Variants in HYCC1 observed in about 807,000 individuals in gnomAD.
The protein encoded by HYCC1 is hyccin.
the HYCC1 span, among the ~76,000 whole-genome samples, chr7:23,013,064 T>C: frequency 6.6e-6 from 1 of 152,158 alleles, no homozygotes; most frequent in Non-Finnish European, 1.5e-5. Context: ...ACTAAACCAC[T>C]TAGGCAAAAT....
At chr7:23,003,200 T>C in the HYCC1 span, among the ~76,000 whole-genome samples, 1 of 152,134 alleles carries the variant, frequency 6.6e-6, no homozygotes, top group African/African-American at 2.4e-5. Flanking sequence ...GCAACCAGCC[T>C]GGCTCTTTTT....
chr7:22,900,389 T>G, the HYCC1 span, among the ~76,000 whole-genome samples: 1 of 152,060 alleles, frequency 6.6e-6, no homozygotes, highest in African/African-American at 2.4e-5. Flanking sequence ...TGTAGATGGA[T>G]TCATTCTCCA....
chr7:22,955,001 G>A, the HYCC1 span, among the ~76,000 whole-genome samples: 58 of 151,128 alleles, frequency 3.8e-4, no homozygotes, highest in Non-Finnish European at 5.5e-4. Context: ...TATTAACTTG[G>A]GATTGAAACA....
the HYCC1 span, among the ~76,000 whole-genome samples, chr7:23,006,093 G>A: frequency 6.6e-6 from 1 of 152,154 alleles, no homozygotes; most frequent in Non-Finnish European, 1.5e-5. Flanking sequence ...TGTCTGGCAG[G>A]TTTAAGAGGG....
the HYCC1 span, among the ~76,000 whole-genome samples, chr7:22,961,837 A>ATG: frequency 3.3e-5 from 5 of 151,086 alleles, no homozygotes; most frequent in African/African-American, 9.7e-5. Flanking sequence ...GTGTGTGTGC[A>ATG]TGTGTGTGTG....
chr7:22,979,014 G>A, the HYCC1 span, among the ~76,000 whole-genome samples: 957 of 152,214 alleles, frequency 6.3e-3, 14 homozygotes, highest in African/African-American at 0.022. Context: ...TACAATGATT[G>A]CACACAAGTC....
the HYCC1 span, among the ~76,000 whole-genome samples, chr7:22,908,545 A>C: frequency 2.5e-4 from 38 of 152,252 alleles, no homozygotes; most frequent in African/African-American, 9.1e-4. Flanking sequence ...TTTGATCTAC[A>C]TCTTCTGTTA....
chr7:22,971,716 G>T, the HYCC1 span, among the ~76,000 whole-genome samples: 3 of 151,582 alleles, frequency 2.0e-5, no homozygotes, highest in East Asian at 5.8e-4. Context: ...GAGAGAAGTG[G>T]AGAGGAAAAG....
chr7:22,968,576 T>C, the HYCC1 span, among the ~76,000 whole-genome samples: 1,079 of 152,274 alleles, frequency 7.1e-3, 16 homozygotes, highest in African/African-American at 0.025. Context: ...ACTCTTCCAA[T>C]TGTATTACCC....
At chr7:22,996,000 G>A in the HYCC1 span, among the ~76,000 whole-genome samples, 1 of 152,058 alleles carries the variant, frequency 6.6e-6, no homozygotes, top group African/African-American at 2.4e-5. Flanking sequence ...AATATCTTTA[G>A]AAGAGAAAGT....
the HYCC1 span, chr7:22,946,249 T>C: frequency 0.3 from 310,349 of 1,034,320 alleles, 48,512 homozygotes; most frequent in Non-Finnish European, 0.32. Flanking sequence ...AGTTATGCTT[T>C]ACATAAATTA....
chr7:23,002,164 A>ATATACAAT, the HYCC1 span, among the ~76,000 whole-genome samples: 682 of 26,144 alleles, frequency 0.026, 16 homozygotes, highest in African/African-American at 0.064. Context: ...ATATATATAT[A>ATATACAAT]TATATATATA....
At chr7:22,929,609 C>T in the HYCC1 span, among the ~76,000 whole-genome samples, 14 of 152,272 alleles carry the variant, frequency 9.2e-5, no homozygotes, top group Middle Eastern at 3.4e-3. Context: ...TCATCACTGA[C>T]CATCAGAGAA....
chr7:22,929,005 G>A, the HYCC1 span, among the ~76,000 whole-genome samples: 19 of 152,118 alleles, frequency 1.2e-4, no homozygotes, highest in African/African-American at 4.6e-4. Context: ...ATAGACCAAT[G>A]GAACAGAACA....
At chr7:22,903,230 A>G in the HYCC1 span, among the ~76,000 whole-genome samples, 2 of 152,192 alleles carry the variant, frequency 1.3e-5, no homozygotes, top group African/African-American at 4.8e-5. Context: ...CATATATTCA[A>G]GCGAAATGAA....
At chr7:22,946,885 A>G in the HYCC1 span, 46 of 1,324,422 alleles carry the variant, frequency 3.5e-5, no homozygotes, top group Admixed American at 4.5e-5. Flanking sequence ...ATTAGATTAC[A>G]TGCAAAATTT....
At chr7:22,962,887 C>T in the HYCC1 span, among the ~76,000 whole-genome samples, 1 of 151,628 alleles carries the variant, frequency 6.6e-6, no homozygotes, top group Non-Finnish European at 1.5e-5. Context: ...TGGAGGCATA[C>T]AGAGAAGGCT....
chr7:22,936,243 T>C, the HYCC1 span: 1 of 152,036 alleles, frequency 6.6e-6, no homozygotes, highest in Non-Finnish European at 1.5e-5. Flanking sequence ...AGAAAATATT[T>C]GATATAATCA....
chr7:22,916,246 G>C, the HYCC1 span, among the ~76,000 whole-genome samples: 1 of 152,092 alleles, frequency 6.6e-6, no homozygotes, highest in Non-Finnish European at 1.5e-5. Context: ...TTCAGGATCT[G>C]CGCCTTATCA....
Sources: allele counts gnomAD v4.1 joint callset (sites outside exome capture counted in the v4.1 genomes callset), GRCh38; gene constraint gnomAD v4.1.1; transcripts MANE v1.5; gene names NCBI Gene and HGNC (gene_info 2026-07-23, HGNC 2026-07-21).